Variants in FHIP2A observed in about 807,000 individuals in gnomAD.
FHIP2A encodes the protein FHF complex subunit HOOK interacting protein 2A.
Under a neutral mutation model 93.5 loss-of-function variants are expected in FHIP2A, and 46 were observed. That is an observed-to-expected ratio of 0.49 (90% CI 0.39 to 0.63). The LOEUF is 0.63. FHIP2A is among the 20% of genes least tolerant of loss of function. FHIP2A has a pLI of 0.00. For synonymous variants in FHIP2A, 332 were observed against 326.5 expected, an observed-to-expected ratio of 1.02 and a Z score of -0.18; for missense variants, 769 against 909.7, an observed-to-expected ratio of 0.85 and a Z score of 1.99.
At position 114,862,454 on chromosome 10, in the gene FHIP2A, T is replaced by C. The variant is rs2143013379; in HGVS notation, c.*914T>C. ...GGTGGTGTCTAGGTGGGGAACTGAC[T>C]GATAACCCTTGGCAGCAATCAAAGT... On this transcript the variant is annotated 3_prime_UTR_variant, in exon 17 of 17. Coordinates refer to ENST00000369248, the MANE Select transcript of FHIP2A (RefSeq NM_020940.4). The C allele has an allele frequency of 1.0e-6, 1 of 987,622 alleles. No individual in the cohort carries two copies. The highest frequency in any genetic ancestry group is 6.1e-5 in the Admixed American group (1 of 16,290). 61.2% of individuals were successfully genotyped at this position (987,622 alleles called of 1,614,324 possible).
Position 114,855,325 on chromosome 10 carries a change from A to G in FHIP2A, c.1932A>G (p.Gly644=). 1 of 1,613,740 alleles carries G rather than the reference A, an allele frequency of 6.2e-7. No individual in the cohort carries two copies. Among genetic ancestry groups the G allele is most frequent in the South Asian group, 1.1e-5 (1 of 91,058 alleles). Reference sequence around the variant, plus strand: ...TGAAAGTGCTGTTCGACAGAATGGGAAGAATTCTTGATCAGGTAATACATT... The same window carrying G: ...TGAAAGTGCTGTTCGACAGAATGGGGAGAATTCTTGATCAGGTAATACATT... ...HFLKVLFDRM[G]RILDQPYDVN... Residue 644 remains glycine (G), a synonymous_variant, in exon 14 of 17, where the codon GGA becomes GGG. Transcript: ENST00000369248.
chr10:114,882,540 G>T (rs1235339754), intron 16 of FHIP2A, among the ~76,000 whole-genome samples: 1 of 152,150 alleles, frequency 6.6e-6, no homozygotes, highest in African/African-American at 2.4e-5. Flanking sequence ...AAAATGCCTT[G>T]TGAGGCTGGG....
intron 5 of FHIP2A, among the ~76,000 whole-genome samples, chr10:114,842,652 AGTT>A (rs2083675753): frequency 6.6e-6 from 1 of 152,072 alleles, no homozygotes; most frequent in South Asian, 2.1e-4. Context: ...CACTAACATT[AGTT>A]GTTTTAAGCA....
At chr10:114,898,697 T>C (rs1336135883) in intron 16 of FHIP2A, among the ~76,000 whole-genome samples, 1 of 152,240 alleles carries the variant, frequency 6.6e-6, no homozygotes, top group Non-Finnish European at 1.5e-5. Flanking sequence ...AAATTTCTGA[T>C]GGTATTTCTC....
At chr10:114,899,358 A>G (rs2084015767) in intron 16 of FHIP2A, 4 of 584,306 alleles carry the variant, frequency 6.8e-6, no homozygotes, top group Non-Finnish European at 9.4e-6. Context: ...GCACAAAATA[A>G]TATGTATTGG....
intron 11 of FHIP2A, 138 bp downstream of exon 11, chr10:114,846,866 T>C (rs1433774211): frequency 6.2e-6 from 5 of 810,400 alleles, no homozygotes; most frequent in East Asian, 2.7e-5. Context: ...ATTAGATGCA[T>C]TGATACTACC....
downstream of FHIP2A, among the ~76,000 whole-genome samples, chr10:114,868,797 G>A (rs925153105): frequency 3.9e-5 from 6 of 152,218 alleles, no homozygotes; most frequent in Admixed American, 1.3e-4. Flanking sequence ...CATTTGCATC[G>A]TGATCACACT....
chr10:114,891,535 ATATGTGTG>A (rs1316291711), intron 16 of FHIP2A, among the ~76,000 whole-genome samples: 1,853 of 126,452 alleles, frequency 0.015, 28 homozygotes, highest in African/African-American at 0.06. Flanking sequence ...ATATATATAT[ATATGTGTG>A]TGTGTGTGTG....
chr10:114,885,176 C>G (rs2083936345), intron 16 of FHIP2A, among the ~76,000 whole-genome samples: 1 of 152,000 alleles, frequency 6.6e-6, no homozygotes, highest in Non-Finnish European at 1.5e-5. Flanking sequence ...AGGTGGATCA[C>G]CTGAGGTCAG....
intron 10 of FHIP2A, 46 bp from the exon 11 acceptor site, chr10:114,846,513 T>C (rs977964803): frequency 6.6e-7 from 1 of 1,519,618 alleles, no homozygotes; most frequent in Admixed American, 2.1e-5. Flanking sequence ...AAGAGTAACT[T>C]ATGTAAAGAC....
chr10:114,887,589 G>A (rs1592035033), intron 16 of FHIP2A, among the ~76,000 whole-genome samples: 1 of 152,232 alleles, frequency 6.6e-6, no homozygotes, highest in Non-Finnish European at 1.5e-5. Context: ...ACTCAGCCAC[G>A]GGCTATGTTG....
At position 114,822,103 on chromosome 10, in the gene FHIP2A, C is replaced by T; in HGVS notation, c.25C>T (p.Leu9=). The change falls in exon 1 of 17, where the codon CTG becomes TTG. Residue 9 remains leucine, a synonymous_variant. Coordinates refer to ENST00000369248, the MANE Select transcript of FHIP2A (RefSeq NM_020940.4). MFSKFTSI[L]QHAVEALAPS... The stretch of plus-strand genomic sequence containing the variant: ...GATGTTCTCCAAGTTCACCTCCATC[C>T]TGCAGCACGCCGTGGAGGCGGTAAG... 1 of 1,341,346 alleles carries T rather than the reference C, an allele frequency of 7.5e-7. No homozygotes were observed. Among genetic ancestry groups the T allele is most frequent in the Non-Finnish European group, 9.8e-7 (1 of 1,024,224 alleles). The allele number at this position is 1,341,346 out of a possible 1,614,324, so 83.1% of individuals were successfully genotyped here. A position where few individuals can be genotyped will look rare whatever the true frequency, so the allele number is the denominator to read the frequency against.
chr10:114,827,818 G>C (rs182204965), intron 1 of FHIP2A, among the ~76,000 whole-genome samples: 2 of 141,104 alleles, frequency 1.4e-5, no homozygotes, highest in African/African-American at 5.3e-5. Context: ...AAAAAAAAGA[G>C]TATCAAGGCA....
chr10:114,892,154 A>T (rs1057368945), intron 16 of FHIP2A, among the ~76,000 whole-genome samples: 4 of 152,174 alleles, frequency 2.6e-5, no homozygotes, highest in Non-Finnish European at 5.9e-5. Flanking sequence ...GAGGCAAAGT[A>T]TTTCATAGGG....
intron 16 of FHIP2A, among the ~76,000 whole-genome samples, chr10:114,887,870 TCTC>T (rs968039218): frequency 4.6e-5 from 7 of 152,316 alleles, no homozygotes; most frequent in African/African-American, 1.4e-4. Flanking sequence ...TGGTGGCTAT[TCTC>T]CTTTCACCGT....
intron 8 of FHIP2A, 125 bp from the exon 9 acceptor site, chr10:114,845,888 G>GGGTC (rs1311099727): frequency 7.2e-6 from 5 of 698,906 alleles, no homozygotes; most frequent in Non-Finnish European, 1.2e-5. Flanking sequence ...ACCAATAAGA[G>GGGTC]GGTCATTAGG....
intron 16 of FHIP2A, among the ~76,000 whole-genome samples, chr10:114,886,339 T>C (rs927480380): frequency 8.5e-5 from 13 of 152,088 alleles, no homozygotes; most frequent in Non-Finnish European, 1.3e-4. Context: ...TCCATGATTG[T>C]GGATGTTGGG....
intron 14 of FHIP2A, among the ~76,000 whole-genome samples, chr10:114,857,802 T>C (rs561732029): frequency 3.3e-5 from 5 of 152,304 alleles, no homozygotes; most frequent in East Asian, 1.9e-4. Context: ...TATTGTGTTA[T>C]CACAATGCTA....
intron 13 of FHIP2A, among the ~76,000 whole-genome samples, chr10:114,850,968 C>T (rs1370391666): frequency 2.6e-5 from 4 of 152,164 alleles, no homozygotes; most frequent in Non-Finnish European, 5.9e-5. Context: ...GGCGGGAATG[C>T]AGTGGCATGA....
Sources: gnomAD v4.1 joint callset for allele counts (sites outside exome capture counted in the v4.1 genomes callset) on GRCh38, gnomAD v4.1.1 for gene constraint, MANE v1.5 for transcripts, NCBI Gene and HGNC (gene_info 2026-07-23, HGNC 2026-07-21) for gene names.